ZNF318: variants seen among roughly 807,000 people sequenced by gnomAD.
ZNF318 encodes zinc finger protein 318.
ZNF318 carries 51 observed loss-of-function variants against 124.2 expected under a neutral mutation model. The ratio of observed to expected loss-of-function variants is 0.41; its 90% CI spans 0.33 to 0.52. The LOEUF is 0.52. Ranked by LOEUF, ZNF318 falls within the 20% of genes least tolerant of loss-of-function variation. The probability of loss-of-function intolerance (pLI) is 0.23; values close to 1 mark genes in which losing one functional copy is unlikely to be tolerated. For synonymous variants in ZNF318, 1,090 were observed against 1,040.7 expected, an observed-to-expected ratio of 1.05 and a Z score of -0.91; for missense variants, 2,815 against 2,811.2, an observed-to-expected ratio of 1.00 and a Z score of -0.03.
chr6:43,344,919 G>T (rs183238504), intron 6 of ZNF318, among the ~76,000 whole-genome samples: 1 of 151,950 alleles, frequency 6.6e-6, no homozygotes, highest in Admixed American at 6.5e-5. Context: ...ATACACCAAG[G>T]TATTAATAAT....
In ZNF318 at chr6:43,365,193, T is replaced by C. The variant is rs1229854626; in HGVS notation, c.548+99A>G. ...GGACATGTGGCATAGGAAATAACTT[T>C]AGAGCTGGCACCATCCTTTCAAATA... is the stretch of plus-strand genomic sequence containing the variant. On this transcript the variant is annotated intron_variant, in intron 2 of 9. Coordinates refer to ENST00000361428, the MANE Select transcript of ZNF318 (RefSeq NM_014345.3). 4.4e-6 allele frequency: 6 copies of C among 1,368,524 alleles called. No individual in the cohort carries two copies. In the African/African-American group the frequency reaches 5.8e-5, roughly 13 times the overall value. 84.8% of individuals were successfully genotyped at this position (1,368,524 alleles called of 1,614,324 possible).
chr6:43,346,925 A>G (rs1779455535), intron 6 of ZNF318, among the ~76,000 whole-genome samples: 1 of 152,244 alleles, frequency 6.6e-6, no homozygotes, highest in Non-Finnish European at 1.5e-5. Context: ...TGACACATAT[A>G]AAGTCCCTGT....
chr6:43,357,296 C>T lies in ZNF318; in HGVS notation c.1018G>A (p.Val340Ile). The change falls in exon 3 of 10, where the codon GTT (valine) becomes ATT (isoleucine). Residue 340 changes from valine (V) to isoleucine (I), a missense_variant. Physicochemically the swap from Val to Ile is conservative, Grantham distance 29 (BLOSUM62 3). Coordinates refer to ENST00000361428, the MANE Select transcript of ZNF318 (RefSeq NM_014345.3). ...ERSRSLSQELVGVDGGGTGCS... is the reference protein window; with the variant it reads ...ERSRSLSQELIGVDGGGTGCS... ...CCAGTACCACCACCATCAACTCCAA[C>T]CAGCTCCTGACTCAAGCTCCTACTT... The T allele has an allele frequency of 6.2e-7, 1 of 1,614,198 alleles. No homozygotes were observed. The highest frequency in any genetic ancestry group is 1.1e-5 in the South Asian group (1 of 91,080).
chr6:43,338,664 G>A lies in ZNF318; in HGVS notation c.5334C>T (p.Asn1778=). The A allele has an allele frequency of 1.2e-6, 2 of 1,614,144 alleles. No individual in the cohort carries two copies. The highest frequency in any genetic ancestry group is 1.7e-6 in the Non-Finnish European group (2 of 1,180,028). The change falls in exon 10 of 10, where the codon AAC becomes AAT. Residue 1778 remains asparagine (N), a synonymous_variant. Transcript: ENST00000361428. ...EDCRESEIET[N]TELKERVKEL... ...CCTTTACCCTTTCTTTTAGTTCAGTGTTTGTCTCTATCTCACTTTCTCTAC... is the reference window on the plus strand; with the variant it reads ...CCTTTACCCTTTCTTTTAGTTCAGTATTTGTCTCTATCTCACTTTCTCTAC...
intron 5 of ZNF318, among the ~76,000 whole-genome samples, chr6:43,350,949 T>C (rs76538376): frequency 0.03 from 4,592 of 152,232 alleles, 225 homozygotes; most frequent in African/African-American, 0.11. Flanking sequence ...CTCTATAAGA[T>C]TCATATTAAT....
intron 2 of ZNF318, among the ~76,000 whole-genome samples, chr6:43,361,007 T>C (rs905464644): frequency 6.6e-6 from 1 of 152,170 alleles, no homozygotes; most frequent in African/African-American, 2.4e-5. Flanking sequence ...TTGATTGTAG[T>C]GAGGGATGCA....
At position 43,354,783 on chromosome 6, in the gene ZNF318, A is replaced by G; in HGVS notation, c.2551T>C (p.Ser851Pro). The G allele has an allele frequency of 6.2e-7, 1 of 1,613,964 alleles. No individual in the cohort carries two copies. ...GCCGCAGGAATTGAGCCTCGCAGAG[A>G]CTCTTTCTGCTTAGGCTTATCAGGA... is the stretch of plus-strand genomic sequence containing the variant. ...VTPDKPKQKESLRGSIPAAQV... is the reference protein window; with the variant it reads ...VTPDKPKQKEPLRGSIPAAQV... The change falls in exon 4 of 10, where the codon TCT becomes CCT. Residue 851 changes from serine to proline, a missense_variant. This residue lies in a region of ZNF318 where 1,377 missense variants were observed against 1,353.5 expected (regional missense o/e 1.02). Transcript: ENST00000361428.
Position 43,355,292 on chromosome 6 carries a change from G to A in ZNF318, c.2042C>T (p.Ala681Val), listed in dbSNP as rs373762933. The change falls in exon 4 of 10, where the codon GCA (alanine) becomes GTA (valine). Residue 681 changes from alanine to valine, a missense_variant. This residue lies in a region of ZNF318 where 1,377 missense variants were observed against 1,353.5 expected (regional missense o/e 1.02). Coordinates refer to ENST00000361428, the MANE Select transcript of ZNF318 (RefSeq NM_014345.3). ...SDPHRLESRE[A>V]HHSNTHSPEV... ...TGGAGAGTGGGTATTGCTATGATGT[G>A]CCTCCCTGCTCTCTAGTCTGTGGGG... 3 of 1,614,076 alleles carry A rather than the reference G, an allele frequency of 1.9e-6. No individual in the cohort carries two copies. Among genetic ancestry groups the A allele is most frequent in the East Asian group, 2.2e-5 (1 of 44,896 alleles).
intron 2 of ZNF318, among the ~76,000 whole-genome samples, chr6:43,361,732 TAC>T (rs1779684219): frequency 2.6e-5 from 4 of 152,312 alleles, no homozygotes; most frequent in African/African-American, 9.6e-5. Flanking sequence ...TGAGTAGAAT[TAC>T]AGTCCTACAT....
intron 5 of ZNF318, among the ~76,000 whole-genome samples, chr6:43,348,969 G>A (rs544362576): frequency 3.9e-4 from 60 of 152,338 alleles, no homozygotes; most frequent in African/African-American, 1.3e-3. Context: ...AGGGGGCGGA[G>A]CTTGCAGTGA....
Position 43,338,929 on chromosome 6 carries a change from GTAAT to G in ZNF318, c.5065_5068del (p.Ile1689ProfsTer40), listed in dbSNP as rs1393729145. The stretch of plus-strand genomic sequence containing the variant: ...TATGGCCAAAGTGTCTGTCTTTGGG[GTAAT>G]TGTTTCATAAGGCCTGCTTTGGCAC... On this transcript the variant is annotated frameshift_variant, in exon 10 of 10. Coordinates refer to ENST00000361428, the MANE Select transcript of ZNF318 (RefSeq NM_014345.3). LOFTEE classifies it low-confidence loss of function (END_TRUNC). 6.2e-7 allele frequency: 1 copy of G among 1,614,008 alleles called. No individual in the cohort carries two copies. Among genetic ancestry groups the G allele is most frequent in the African/African-American group, 1.3e-5 (1 of 74,922 alleles).
rs142384487 is a variant in ZNF318 at position 43,357,433 on chromosome 6, G to A, written c.881C>T (p.Ser294Leu). ...ACGCTGTCGATAGTTGCGAGTTCCT[G>A]ATGTAAAACTTGGGTGATCCCCTCC... is the stretch of plus-strand genomic sequence containing the variant. Reference protein sequence around the residue: ...SMGGDHPSFTSGTRNYRQRRR... With the variant: ...SMGGDHPSFTLGTRNYRQRRR... The change falls in exon 3 of 10, where the codon TCA becomes TTA. Residue 294 changes from serine (S) to leucine (L), a missense_variant. Ser to Leu is a moderately radical substitution (Grantham distance 145, BLOSUM62 -2). Around this residue, in one of 4 missense-constraint regions of ZNF318, gnomAD observed 1,377 missense variants for 1,353.5 expected, o/e 1.02. Coordinates refer to ENST00000361428, the MANE Select transcript of ZNF318 (RefSeq NM_014345.3). 7 of 1,614,044 alleles carry A rather than the reference G, an allele frequency of 4.3e-6. No individual in the cohort carries two copies. The African/African-American group carries it at 9.3e-5, about 22-fold the overall frequency.
chr6:43,368,300 C>T (rs1308745444), intron 1 of ZNF318, among the ~76,000 whole-genome samples: 1 of 152,176 alleles, frequency 6.6e-6, no homozygotes, highest in African/African-American at 2.4e-5. Flanking sequence ...TGGGTTGGTT[C>T]CTCGGCTGTA....
At chr6:43,342,585 T>C in intron 7 of ZNF318, 91 bp downstream of exon 7, 1 of 1,393,032 alleles carries the variant, frequency 7.2e-7, no homozygotes, top group Non-Finnish European at 1.0e-6. Context: ...ATGAGAATGT[T>C]TCCTTTTCCA....
In ZNF318 at chr6:43,354,700, G is replaced by T. The variant is rs757920695; in HGVS notation, c.2634C>A (p.Ile878=). 20 of 1,612,918 alleles carry T rather than the reference G, an allele frequency of 1.2e-5. No homozygotes were observed. The highest frequency in any genetic ancestry group is 8.3e-5 in the Admixed American group (5 of 59,952). The change falls in exon 4 of 10, where the codon ATC becomes ATA. Residue 878 remains isoleucine, a synonymous_variant. Coordinates refer to ENST00000361428, the MANE Select transcript of ZNF318 (RefSeq NM_014345.3). ...PSLIRYNPEK[I]SDEKNRASQK... is the part of the protein sequence containing the mutation. ...GGGAAGCACGGTTCTTCTCATCAGAGATCTTCTCTGGATTATATCTTATGA... is the reference window on the plus strand; with the variant it reads ...GGGAAGCACGGTTCTTCTCATCAGATATCTTCTCTGGATTATATCTTATGA...
intron 1 of ZNF318, among the ~76,000 whole-genome samples, chr6:43,367,181 C>G (rs912014067): frequency 2.6e-5 from 4 of 152,204 alleles, no homozygotes; most frequent in Admixed American, 2.0e-4. Context: ...CTTCTTAGTA[C>G]TTAATTACAT....
chr6:43,358,731 T>A (rs1779644335), intron 2 of ZNF318, among the ~76,000 whole-genome samples: 1 of 151,920 alleles, frequency 6.6e-6, no homozygotes, highest in Non-Finnish European at 1.5e-5. Context: ...CTTTTTGCAT[T>A]TTTTTAGTAG....
chr6:43,355,427 A>C lies in ZNF318; in HGVS notation c.1907T>G (p.Val636Gly), dbSNP rs201381511. 78 of 1,614,062 alleles carry C rather than the reference A, an allele frequency of 4.8e-5. No individual in the cohort carries two copies. The highest frequency in any genetic ancestry group is 6.4e-5 in the Non-Finnish European group (75 of 1,180,040). Residue 636 changes from valine (V) to glycine (G), a missense_variant, in exon 4 of 10, where the codon GTT becomes GGT. This residue lies in a region of ZNF318 where 1,377 missense variants were observed against 1,353.5 expected (regional missense o/e 1.02). Coordinates refer to ENST00000361428, the MANE Select transcript of ZNF318 (RefSeq NM_014345.3). ...GTGGTCAGCTGAAAAGTATCGGTCAACTGAGGAACGGCGGTCAGCTGAGGA... is the reference window on the plus strand; with the variant it reads ...GTGGTCAGCTGAAAAGTATCGGTCACCTGAGGAACGGCGGTCAGCTGAGGA... ...LRSSADRRSS[V>G]DRYFSADHCS...
chr6:43,340,940 AG>A, intron 8 of ZNF318, 32 bp from the exon 9 acceptor site: 1 of 1,495,418 alleles, frequency 6.7e-7, no homozygotes, highest in Non-Finnish European at 9.3e-7. Flanking sequence ...CAAGGAAATA[AG>A]TCGATTCCAC....
Sources: allele counts gnomAD v4.1 joint callset (sites outside exome capture counted in the v4.1 genomes callset), GRCh38; gene constraint gnomAD v4.1.1; regional missense constraint gnomAD v4.1.1; transcripts MANE v1.5; gene names NCBI Gene and HGNC (gene_info 2026-07-23, HGNC 2026-07-21).